Variants in DPF1 observed in about 807,000 individuals in gnomAD.
The protein encoded by DPF1 is zinc finger protein neuro-d4.
A neutral mutation model predicts 58.7 loss-of-function variants in DPF1; 14 were observed. The ratio of observed to expected loss-of-function variants is 0.24; its 90% CI spans 0.16 to 0.37. The LOEUF (loss-of-function observed/expected upper bound fraction) is 0.37. Among genes scored for constraint, DPF1 ranks in the 10% least tolerant of loss-of-function variants. DPF1 has a pLI of 1.00. For missense variants in DPF1, 345 were observed against 529.9 expected (o/e 0.65, Z 3.43); for synonymous variants, 216 against 216.0 (o/e 1.00, Z 0.00).
intron 5 of DPF1, 39 bp from the exon 6 acceptor site, chr19:38,217,915 G>A (rs757675032): frequency 1.2e-6 from 2 of 1,610,064 alleles, no homozygotes; most frequent in Middle Eastern, 1.7e-4. Flanking sequence ...AAGAAAGTGA[G>A]AAAACAGGCC....
At chr19:38,213,833 G>C in intron 9 of DPF1, 77 bp from the exon 10 acceptor site, 1 of 1,256,824 alleles carries the variant, frequency 8.0e-7, no homozygotes, top group Admixed American at 1.9e-5. Flanking sequence ...GGGAGCCATA[G>C]CTCAGCCCCT....
intron 4 of DPF1, 92 bp from the exon 5 acceptor site, chr19:38,218,754 G>A: frequency 6.5e-7 from 1 of 1,546,768 alleles, no homozygotes; most frequent in Non-Finnish European, 8.9e-7. Context: ...TTGGGGGTGA[G>A]AGTATAAGTC....
intron 4 of DPF1, 83 bp from the exon 5 acceptor site, chr19:38,218,745 TG>T: frequency 1.9e-6 from 3 of 1,558,134 alleles, no homozygotes; most frequent in Non-Finnish European, 2.7e-6. Flanking sequence ...AGGTGGAGAT[TG>T]GGGGTGAGAG....
intron 1 of DPF1, 124 bp downstream of exon 1, chr19:38,223,990 G>T: frequency 8.8e-6 from 11 of 1,253,346 alleles, no homozygotes; most frequent in Non-Finnish European, 1.1e-5. Context: ...GCACCCCCGC[G>T]CAGCCCCGCA....
At chr19:38,216,501 TG>T (rs1299367234) in intron 7 of DPF1, 98 bp from the exon 8 acceptor site, 1 of 1,403,336 alleles carries the variant, frequency 7.1e-7, no homozygotes, top group Admixed American at 2.9e-5. Flanking sequence ...AGTCCAGGCG[TG>T]GGGAGCTGGG....
At chr19:38,215,755 G>A (rs181541507) in intron 9 of DPF1, among the ~76,000 whole-genome samples, 1 of 152,162 alleles carries the variant, frequency 6.6e-6, no homozygotes, top group East Asian at 1.9e-4. Context: ...TTTTTGTAGA[G>A]ATGGGGGTCT....
chr19:38,211,916 G>T lies in DPF1; in HGVS notation c.*147C>A. The stretch of plus-strand genomic sequence containing the variant: ...CACCCACAGGGCAGACATTCCACTT[G>T]CACAGAGGGGAGGGGGTGGCCCAGC... On this transcript the variant is annotated 3_prime_UTR_variant, in exon 12 of 12. Coordinates refer to ENST00000355526, the MANE Select transcript of DPF1 (RefSeq NM_001135155.3). This position sits in a 1 kb window ranked among gnomAD's most constrained non-coding sequence, Gnocchi z 4.0. The T allele has an allele frequency of 1.2e-6, 1 of 844,282 alleles. No homozygotes were observed. The highest frequency in any genetic ancestry group is 1.7e-5 in the South Asian group (1 of 58,660). The allele number at this position is 844,282 out of a possible 1,614,324, so 52.3% of individuals were successfully genotyped here. A position where few individuals can be genotyped will look rare whatever the true frequency, so the allele number is the denominator to read the frequency against.
At position 38,213,725 on chromosome 19, in the gene DPF1, G is replaced by A; in HGVS notation, c.930C>T (p.Asn310=). 1 of 1,613,928 alleles carries A rather than the reference G, an allele frequency of 6.2e-7. No individual in the cohort carries two copies. Among genetic ancestry groups the A allele is most frequent in the Non-Finnish European group, 8.5e-7 (1 of 1,179,882 alleles). The stretch of plus-strand genomic sequence containing the variant: ...GGTAGGTCCGCACGGCTGCCGTCAT[G>A]TTCACCGTGAATTGTAAACACGAGG... ...GHPSCLQFTV[N]MTAAVRTYRW... is the part of the protein sequence containing the mutation. Residue 310 remains asparagine, a synonymous_variant, in exon 10 of 12, where the codon AAC becomes AAT. Coordinates refer to ENST00000355526, the MANE Select transcript of DPF1 (RefSeq NM_001135155.3).
chr19:38,212,140 G>T lies in DPF1; in HGVS notation c.1094-7C>A. On this transcript the variant is annotated splice_region_variant and splice_polypyrimidine_tract_variant and intron_variant, in intron 11 of 11. Transcript: ENST00000355526. The stretch of plus-strand genomic sequence containing the variant: ...AGGTGACAGCTCCAGCTCCCTGCGG[G>T]GGCAGCCGAAGCTGAAGTCAGGCCC... 6.2e-7 allele frequency: 1 copy of T among 1,607,906 alleles called. No individual in the cohort carries two copies. Among genetic ancestry groups the T allele is most frequent in the Non-Finnish European group, 8.5e-7 (1 of 1,178,376 alleles).
intron 7 of DPF1, among the ~76,000 whole-genome samples, chr19:38,216,969 T>C (rs1291289203): frequency 6.6e-6 from 1 of 152,152 alleles, no homozygotes; most frequent in African/African-American, 2.4e-5. Context: ...CGTGGGTGTG[T>C]AGTGGCCAGG....
At chr19:38,215,995 G>T in intron 9 of DPF1, 145 bp downstream of exon 9, 1 of 1,380,362 alleles carries the variant, frequency 7.2e-7, no homozygotes, top group Non-Finnish European at 9.6e-7. Context: ...AGTTGCATCA[G>T]CCTCGCTAGC....
Position 38,222,729 on chromosome 19 carries a change from C to G in DPF1, c.30-21G>C, listed in dbSNP as rs1260779743. 6.4e-6 allele frequency: 10 copies of G among 1,560,508 alleles called. No individual in the cohort carries two copies. The highest frequency in any genetic ancestry group is 1.4e-5 in the African/African-American group (1 of 71,540). On this transcript the variant is annotated intron_variant, in intron 1 of 11. Transcript: ENST00000355526. The surrounding 1 kb of genome is among the most constrained non-coding windows in gnomAD (Gnocchi z 4.9). ...CTAGGCTAGAGGGGCGGCGAACGGG[C>G]GGGCGGCTGTCAGCAAGGGCAGGCG...
Position 38,229,584 on chromosome 19 carries a change from T to G in DPF1, c.-157A>C. 8.7e-7 allele frequency: 1 copy of G among 1,151,046 alleles called. No homozygotes were observed. The allele number at this position is 1,151,046 out of a possible 1,614,324, so 71.3% of individuals were successfully genotyped here. On this transcript the variant is annotated 5_prime_UTR_variant, in exon 1 of 12. Coordinates refer to the DPF1 transcript ENST00000412732. The surrounding 1 kb of genome is among the most constrained non-coding windows in gnomAD (Gnocchi z 5.3). The stretch of plus-strand genomic sequence containing the variant: ...GACTTGAGCGGGTTCTGAATGGCGG[T>G]GGCCATGGCCCGCTCGGCTGGGCCG...
chr19:38,224,280 C>A (rs560763810), upstream of DPF1: 1 of 1,260,832 alleles, frequency 7.9e-7, no homozygotes, highest in South Asian at 3.1e-5. The surrounding 1 kb of genome is among the most constrained non-coding windows in gnomAD (Gnocchi z 4.5). Context: ...GGCGACGGGG[C>A]GGGCCCGCCC....
At chr19:38,224,247 G>A, upstream of DPF1, 1 of 1,269,710 alleles carries the variant, frequency 7.9e-7, no homozygotes, top group Non-Finnish European at 9.9e-7. The surrounding 1 kb of genome is among the most constrained non-coding windows in gnomAD (Gnocchi z 4.5). Context: ...GGGGGCGGGA[G>A]CACGAGGGCC....
intron 9 of DPF1, 77 bp from the exon 10 acceptor site, chr19:38,213,833 G>GCTCA: frequency 1.6e-6 from 2 of 1,256,824 alleles, no homozygotes; most frequent in East Asian, 2.4e-5. Flanking sequence ...GGGAGCCATA[G>GCTCA]CTCAGCCCCT....
Position 38,229,491 on chromosome 19 carries a change from G to A in DPF1, c.-132+68C>T. 1.0e-6 allele frequency: 1 copy of A among 975,882 alleles called. No homozygotes were observed. The highest frequency in any genetic ancestry group is 1.3e-6 in the Non-Finnish European group (1 of 774,690). The allele number at this position is 975,882 out of a possible 1,614,324, so 60.5% of individuals were successfully genotyped here. On this transcript the variant is annotated intron_variant, in intron 1 of 11. Transcript: ENST00000412732. This position sits in a 1 kb window ranked among gnomAD's most constrained non-coding sequence, Gnocchi z 5.3. Reference sequence around the variant, plus strand: ...CGCTGCGTCCCCCTCCTCAGCCCCAGGGCGGGCGGGGGAAGGGCTCCTGGT... The same window carrying A: ...CGCTGCGTCCCCCTCCTCAGCCCCAAGGCGGGCGGGGGAAGGGCTCCTGGT...
chr19:38,218,592 T>C lies in DPF1; in HGVS notation c.497A>G (p.Lys166Arg). 6.2e-7 allele frequency: 1 copy of C among 1,614,208 alleles called. No individual in the cohort carries two copies. Among genetic ancestry groups the C allele is most frequent in the Non-Finnish European group, 8.5e-7 (1 of 1,180,034 alleles). The change falls in exon 5 of 12, where the codon AAG becomes AGG. Residue 166 changes from lysine to arginine, a missense_variant. Transcript: ENST00000355526. ...EDLEDDIPRR[K>R]NRAKGKAYGI... ...TGATACCTTTCCTTTGGCCCTGTTC[T>C]TCCTCCTGGGAATGTCATCCTCCAA...
chr19:38,227,992 G>C (rs924950379), upstream of DPF1: 2 of 152,470 alleles, frequency 1.3e-5, no homozygotes, highest in African/African-American at 4.8e-5. Context: ...CCTCCCAGGG[G>C]TCTGGGCCAG....
Sources: gnomAD v4.1 joint callset for allele counts (sites outside exome capture counted in the v4.1 genomes callset) on GRCh38, gnomAD v4.1.1 for gene constraint, Gnocchi (gnomAD v3.1) non-coding constraint, MANE v1.5 for transcripts, NCBI Gene and HGNC (gene_info 2026-07-23, HGNC 2026-07-21) for gene names.